The following SMPD4 variants were observed in gnomAD, a reference collection of about 807,000 sequenced individuals.
SMPD4 encodes sphingomyelin phosphodiesterase 4, also known as neutral sphingomyelinase 3.
SMPD4 carries 58 observed loss-of-function variants against 97.8 expected under a neutral mutation model. The observed-to-expected ratio is 0.59, with a 90% CI of 0.48 to 0.74. The LOEUF is 0.74. SMPD4 is among the 30% of genes least tolerant of loss of function. The probability of loss-of-function intolerance (pLI) is 0.00; values close to 1 mark genes in which losing one functional copy is unlikely to be tolerated. For missense variants in SMPD4, 853 were observed against 1,080.5 expected, an observed-to-expected ratio of 0.79 and a Z score of 2.95; for synonymous variants, 388 against 450.0, an observed-to-expected ratio of 0.86 and a Z score of 1.74.
At chr2:130,178,820 A>G (rs895159957) in intron 1 of SMPD4, among the ~76,000 whole-genome samples, 1 of 151,960 alleles carries the variant, frequency 6.6e-6, no homozygotes, top group African/African-American at 2.4e-5. Context: ...AGAAAAAAAA[A>G]GAAAGAAAAC....
At chr2:130,173,990 G>GAAAATAAAAAAATAT (rs1433014628) in intron 3 of SMPD4, among the ~76,000 whole-genome samples, 1 of 151,562 alleles carries the variant, frequency 6.6e-6, no homozygotes, top group Non-Finnish European at 1.5e-5. Flanking sequence ...AACAAACAAT[G>GAAAATAAAAAAATAT]AAAATAAAAA....
At chr2:130,173,690 C>G (rs1558762902) in intron 3 of SMPD4, 34 bp from the exon 4 acceptor site, 2 of 1,613,032 alleles carry the variant, frequency 1.2e-6, no homozygotes, top group South Asian at 1.1e-5. Flanking sequence ...GCGTGCAGGA[C>G]CAGCACCCAC....
chr2:130,176,309 G>C (rs926462336), intron 2 of SMPD4, among the ~76,000 whole-genome samples: 1 of 152,166 alleles, frequency 6.6e-6, no homozygotes, highest in Non-Finnish European at 1.5e-5. Context: ...ACACCCTTGG[G>C]AAGTAGAGAA....
At chr2:130,165,241 G>A (rs545668670) in intron 9 of SMPD4, among the ~76,000 whole-genome samples, 2 of 151,664 alleles carry the variant, frequency 1.3e-5, no homozygotes, top group Non-Finnish European at 1.5e-5. Context: ...ACCCAACATG[G>A]AGAAACAGTG....
intron 13 of SMPD4, 118 bp downstream of exon 13, chr2:130,156,467 C>T (rs887301843): frequency 9.7e-7 from 1 of 1,029,330 alleles, no homozygotes; most frequent in Non-Finnish European, 1.4e-6. Context: ...TCCAAGACCC[C>T]CTCCTTGCCA....
intron 11 of SMPD4, among the ~76,000 whole-genome samples, chr2:130,160,638 G>A (rs1375650665): frequency 3.9e-5 from 6 of 152,046 alleles, no homozygotes; most frequent in African/African-American, 1.4e-4. Context: ...GTCAAGGACT[G>A]ACAGCTTCTG....
At chr2:130,157,544 TG>T (rs1686937649) in intron 11 of SMPD4, 148 bp from the exon 12 acceptor site, 1 of 1,444,976 alleles carries the variant, frequency 6.9e-7, no homozygotes, top group Non-Finnish European at 9.3e-7. Flanking sequence ...GGCCACCCCA[TG>T]GGGCACCACT....
intron 8 of SMPD4, 60 bp downstream of exon 8, chr2:130,172,289 T>A (rs908042526): frequency 8.1e-6 from 12 of 1,479,526 alleles, no homozygotes; most frequent in Non-Finnish European, 1.1e-5. Context: ...CCGTGGGCGA[T>A]GCAAGTGACC....
Position 130,156,022 on chromosome 2 carries a change from A to C in SMPD4, c.1289+13T>G. The C allele has an allele frequency of 6.2e-7, 1 of 1,609,488 alleles. No homozygotes were observed. Among genetic ancestry groups the C allele is most frequent in the Non-Finnish European group, 8.5e-7 (1 of 1,178,548 alleles). On this transcript the variant is annotated intron_variant, in intron 14 of 19. Coordinates refer to ENST00000680298, the MANE Select transcript of SMPD4 (RefSeq NM_017951.5). ...GAGCCAGTGGCATGTCTGTGAGAGG[A>C]GCTGAGGCTCACCATTTCTCCGACA...
chr2:130,153,991 G>A, intron 16 of SMPD4, 56 bp from the exon 17 acceptor site: 1 of 1,544,576 alleles, frequency 6.5e-7, no homozygotes, highest in South Asian at 1.2e-5. Flanking sequence ...TGCCACCCAG[G>A]CAGCCCCAAG....
At chr2:130,154,696 G>A (rs962569987) in intron 15 of SMPD4, 2 of 618,342 alleles carry the variant, frequency 3.2e-6, no homozygotes, top group African/African-American at 3.7e-5. Flanking sequence ...CCCTAGCAGT[G>A]TCTGCAGGAG....
chr2:130,164,561 G>T, intron 9 of SMPD4, 116 bp from the exon 10 acceptor site: 1 of 795,900 alleles, frequency 1.3e-6, no homozygotes, highest in Non-Finnish European at 2.0e-6. Context: ...CCCATGTGCA[G>T]AACAGTGAAG....
At chr2:130,168,359 G>A (rs1688122033) in intron 8 of SMPD4, among the ~76,000 whole-genome samples, 1 of 152,106 alleles carries the variant, frequency 6.6e-6, no homozygotes, top group Non-Finnish European at 1.5e-5. Flanking sequence ...AGGAGGTTGA[G>A]GTTGCTGTGA....
At chr2:130,173,162 CT>C (rs1368785077) in intron 5 of SMPD4, 116 bp downstream of exon 5, 1 of 1,120,130 alleles carries the variant, frequency 8.9e-7, no homozygotes, top group African/African-American at 1.6e-5. Context: ...TCTCACACCC[CT>C]GGAACGAATC....
chr2:130,153,483 C>T, intron 17 of SMPD4, 33 bp from the exon 18 acceptor site: 1 of 1,611,764 alleles, frequency 6.2e-7, no homozygotes, highest in African/African-American at 1.3e-5. Context: ...CCCTCAGCAT[C>T]AAGATGAAGA....
intron 10 of SMPD4, 140 bp downstream of exon 10, chr2:130,164,234 T>C (rs142276527): frequency 0.013 from 9,350 of 730,136 alleles, 92 homozygotes; most frequent in Non-Finnish European, 0.017. Context: ...CACTTCTTAT[T>C]TGGCTTCTGA....
rs1558737324 is a variant in SMPD4, at chr2:130,153,133, C to G, written c.2064G>C (p.Gln688His). The change falls in exon 19 of 20, where the codon CAG becomes CAC. Residue 688 changes from glutamine (Q) to histidine (H), a missense_variant. Physicochemically the swap from Gln to His is conservative, Grantham distance 24. Coordinates refer to ENST00000680298, the MANE Select transcript of SMPD4 (RefSeq NM_017951.5). ...GGATGGGCTGCAGCTCCGGGTCCCC[C>G]TGGTACTCAATTTCAAACCTTCGCA... ...NGLRRFEIEY[Q>H]GDPELQPIRS... The G allele has an allele frequency of 2.5e-6, 4 of 1,613,796 alleles. No individual in the cohort carries two copies. The East Asian group carries it at 6.7e-5, about 27-fold the overall frequency.
Position 130,152,327 on chromosome 2 carries a change from TCA to T in SMPD4, c.*226_*227del. ...AAGGCCGCCGCTGAGCTCTGCGCTG[TCA>T]CAGAGCGTAGCTGTTGAGCCCTGGC... On this transcript the variant is annotated 3_prime_UTR_variant, in exon 20 of 20. Coordinates refer to ENST00000680298, the MANE Select transcript of SMPD4 (RefSeq NM_017951.5). 1 of 570,572 alleles carries T rather than the reference TCA, an allele frequency of 1.8e-6. No individual in the cohort carries two copies. The highest frequency in any genetic ancestry group is 3.1e-6 in the Non-Finnish European group (1 of 322,646). 35.3% of individuals were successfully genotyped at this position (570,572 alleles called of 1,614,324 possible). A position where few individuals can be genotyped will look rare whatever the true frequency, so the allele number is the denominator to read the frequency against.
chr2:130,165,108 TAAAAAAAAAA>T (rs35361623), intron 9 of SMPD4, among the ~76,000 whole-genome samples: 17 of 61,898 alleles, frequency 2.7e-4, no homozygotes, highest in African/African-American at 7.6e-4. Context: ...GACTCTGATT[TAAAAAAAAAA>T]AAAAAAAAAA....
Sources: gnomAD v4.1 joint callset for allele counts (sites outside exome capture counted in the v4.1 genomes callset) on GRCh38, gnomAD v4.1.1 for gene constraint, MANE v1.5 for transcripts, NCBI Gene and HGNC (gene_info 2026-07-23, HGNC 2026-07-21) for gene names.